Variants in CNTN4 observed in about 807,000 individuals in gnomAD.
CNTN4 encodes the protein contactin-4.
Under a neutral mutation model 122.5 loss-of-function variants are expected in CNTN4, and 77 were observed. That is an observed-to-expected ratio of 0.63 (90% CI 0.52 to 0.76). CNTN4 has a LOEUF of 0.76. Ranked by LOEUF, CNTN4 falls within the 30% of genes least tolerant of loss-of-function variation. The pLI, the probability that CNTN4 is intolerant of heterozygous loss-of-function variation, is 0.00. For synonymous variants in CNTN4, 512 were observed against 447.0 expected, an observed-to-expected ratio of 1.15 and a Z score of -1.83; for missense variants, 1,256 against 1,259.1, an observed-to-expected ratio of 1.00 and a Z score of 0.04.
intron 13 of CNTN4, chr3:2,927,379 C>G: frequency 2.2e-6 from 1 of 450,772 alleles, no homozygotes; most frequent in South Asian, 1.6e-5. Context: ...GTTGCCATTG[C>G]AGAAGGAAAA....
intron 3 of CNTN4, among the ~76,000 whole-genome samples, chr3:2,464,880 C>T (rs1002284534): frequency 2.0e-5 from 3 of 152,196 alleles, no homozygotes; most frequent in African/African-American, 4.8e-5. Context: ...CTGGAAATGA[C>T]TTTCCTGTGG....
At chr3:2,235,297 A>G (rs1235503736) in intron 2 of CNTN4, among the ~76,000 whole-genome samples, 1 of 152,178 alleles carries the variant, frequency 6.6e-6, no homozygotes. Flanking sequence ...CCTAAAAACT[A>G]TTTAGGTTAA....
chr3:2,686,638 A>G lies in CNTN4; in HGVS notation c.56-49577A>G, dbSNP rs114064965. On this transcript the variant is annotated intron_variant, in intron 4 of 24. Coordinates refer to ENST00000418658, the MANE Select transcript of CNTN4 (RefSeq NM_175607.3). The stretch of plus-strand genomic sequence containing the variant: ...ACATATTCATCACCTCTACATGGTT[A>G]CTATTTGTGTGTGTGTCTGTGTGTC... Among the ~76,000 whole-genome samples, 825 of 152,272 alleles carry G rather than the reference A, an allele frequency of 5.4e-3. 7 individuals are homozygous for G. The highest frequency in any genetic ancestry group is 0.017 in the African/African-American group (695 of 41,554).
intron 7 of CNTN4, among the ~76,000 whole-genome samples, chr3:2,863,194 A>G (rs1225260657): frequency 2.6e-5 from 4 of 152,146 alleles, no homozygotes; most frequent in Non-Finnish European, 4.4e-5. Context: ...ACAAATAAAA[A>G]TACAATATTC....
intron 4 of CNTN4, among the ~76,000 whole-genome samples, chr3:2,603,197 A>G (rs192587364): frequency 6.6e-6 from 1 of 152,232 alleles, no homozygotes; most frequent in African/African-American, 2.4e-5. Context: ...TTAGGGAATG[A>G]TGTTTTAGGT....
chr3:2,302,767 A>G (rs2042570196), intron 2 of CNTN4, among the ~76,000 whole-genome samples: 1 of 152,226 alleles, frequency 6.6e-6, no homozygotes, highest in African/African-American at 2.4e-5. Context: ...CCCATGTGGA[A>G]GAACATCTAA....
intron 2 of CNTN4, among the ~76,000 whole-genome samples, chr3:2,266,723 T>G (rs2041065346): frequency 6.6e-6 from 1 of 152,078 alleles, no homozygotes; most frequent in African/African-American, 2.4e-5. Context: ...ATTGCTATTC[T>G]CAGCATTTTG....
intron 3 of CNTN4, among the ~76,000 whole-genome samples, chr3:2,486,060 C>G (rs185221630): frequency 2.6e-5 from 4 of 152,244 alleles, no homozygotes; most frequent in Admixed American, 1.3e-4. Context: ...ACATTCATCT[C>G]GAAGGTCTGC....
chr3:2,957,731 G>T (rs1340324784), intron 13 of CNTN4, among the ~76,000 whole-genome samples: 1 of 151,720 alleles, frequency 6.6e-6, no homozygotes, highest in Non-Finnish European at 1.5e-5. Flanking sequence ...TAGGATAATG[G>T]TCTCCCACTG....
intron 6 of CNTN4, among the ~76,000 whole-genome samples, chr3:2,809,576 C>G (rs964521627): frequency 6.6e-5 from 10 of 152,148 alleles, no homozygotes; most frequent in Non-Finnish European, 1.0e-4. Flanking sequence ...CTTTGTTTCT[C>G]TTTGTGTTGT....
intron 6 of CNTN4, among the ~76,000 whole-genome samples, chr3:2,789,688 C>T (rs963489720): frequency 1.3e-5 from 2 of 152,190 alleles, no homozygotes; most frequent in African/African-American, 2.4e-5. Context: ...GCCTTGGCCT[C>T]CCAAAGTGCT....
intron 23 of CNTN4, among the ~76,000 whole-genome samples, chr3:3,046,083 G>T (rs892845438): frequency 2.6e-5 from 4 of 152,178 alleles, no homozygotes; most frequent in African/African-American, 9.7e-5. Flanking sequence ...AGAGAAAAAA[G>T]AATGAAAAGA....
At chr3:2,700,877 A>G (rs919202280) in intron 4 of CNTN4, among the ~76,000 whole-genome samples, 2 of 152,186 alleles carry the variant, frequency 1.3e-5, no homozygotes, top group African/African-American at 2.4e-5. Flanking sequence ...ATGCACCTGA[A>G]CGAACATGTT....
At chr3:2,769,478 A>AAG (rs397988488) in intron 6 of CNTN4, among the ~76,000 whole-genome samples, 1 of 151,084 alleles carries the variant, frequency 6.6e-6, no homozygotes, top group African/African-American at 2.4e-5. Flanking sequence ...AAAAAAAAAA[A>AAG]CAGAAACAAA....
At chr3:2,614,126 G>T (rs2149852108) in intron 4 of CNTN4, among the ~76,000 whole-genome samples, 1 of 152,272 alleles carries the variant, frequency 6.6e-6, no homozygotes, top group South Asian at 2.1e-4. Flanking sequence ...TACTTTAGGG[G>T]TCAAGGAAGT....
At chr3:2,424,680 C>T (rs2047749021) in intron 3 of CNTN4, among the ~76,000 whole-genome samples, 1 of 152,170 alleles carries the variant, frequency 6.6e-6, no homozygotes, top group Non-Finnish European at 1.5e-5. Flanking sequence ...ACAGTCCCAC[C>T]AACAGTGTAA....
chr3:3,054,788 G>T (rs971811191), intron 24 of CNTN4, among the ~76,000 whole-genome samples: 3 of 152,088 alleles, frequency 2.0e-5, no homozygotes, highest in Non-Finnish European at 4.4e-5. Flanking sequence ...CAACACTGGA[G>T]TATACTTAGT....
intron 6 of CNTN4, among the ~76,000 whole-genome samples, chr3:2,763,305 A>G (rs544405543): frequency 1.3e-5 from 2 of 152,178 alleles, no homozygotes; most frequent in South Asian, 4.1e-4. Flanking sequence ...AAAAGTGTCT[A>G]TTCATGTCTT....
At chr3:2,493,925 T>A (rs2076383992) in intron 3 of CNTN4, among the ~76,000 whole-genome samples, 1 of 152,106 alleles carries the variant, frequency 6.6e-6, no homozygotes, top group African/African-American at 2.4e-5. Context: ...ATCTTGAAGA[T>A]GAAAATGCTA....
Sources: gnomAD v4.1 joint callset for allele counts (sites outside exome capture counted in the v4.1 genomes callset) on GRCh38, gnomAD v4.1.1 for gene constraint, MANE v1.5 for transcripts, NCBI Gene and HGNC (gene_info 2026-07-23, HGNC 2026-07-21) for gene names.